The following KIAA0825 variants were observed in gnomAD, a reference collection of about 807,000 sequenced individuals.
KIAA0825 encodes the protein uncharacterized protein KIAA0825.
KIAA0825 carries 119 observed loss-of-function variants against 147.6 expected under a neutral mutation model. That is an observed-to-expected ratio of 0.81 (90% CI 0.69 to 0.94). The LOEUF (loss-of-function observed/expected upper bound fraction) is 0.94, where lower values mean the gene tolerates loss of function less well. Among genes scored for constraint, KIAA0825 ranks in the 40% least tolerant of loss-of-function variants. The pLI is 0.00. For missense variants in KIAA0825, 1,381 were observed against 1,472.7 expected (o/e 0.94, Z 1.02); for synonymous variants, 470 against 518.1 (o/e 0.91, Z 1.26).
intron 20 of KIAA0825, among the ~76,000 whole-genome samples, chr5:94,190,976 T>C (rs1770630731): frequency 6.6e-6 from 1 of 152,156 alleles, no homozygotes; most frequent in Non-Finnish European, 1.5e-5. Flanking sequence ...AGAGGAGATA[T>C]TATCTAATGT....
intron 5 of KIAA0825, among the ~76,000 whole-genome samples, chr5:94,512,850 C>G (rs1036730339): frequency 3.3e-5 from 5 of 151,934 alleles, no homozygotes; most frequent in Admixed American, 6.6e-5. Flanking sequence ...GAGCTGAGAT[C>G]GCATCACTGC....
At chr5:94,188,275 A>G (rs1228076668) in intron 20 of KIAA0825, among the ~76,000 whole-genome samples, 1 of 152,246 alleles carries the variant, frequency 6.6e-6, no homozygotes, top group African/African-American at 2.4e-5. Context: ...ACACTGTAAC[A>G]TATTTTATAA....
At chr5:94,603,729 A>C (rs542996795) in intron 1 of KIAA0825, among the ~76,000 whole-genome samples, 1 of 152,344 alleles carries the variant, frequency 6.6e-6, no homozygotes, top group South Asian at 2.1e-4. Context: ...GGATGGAGAG[A>C]AATTTACCAA....
chr5:94,616,478 T>C (rs1236319220), intron 1 of KIAA0825, among the ~76,000 whole-genome samples: 1 of 152,152 alleles, frequency 6.6e-6, no homozygotes, highest in Non-Finnish European at 1.5e-5. Context: ...TTATAAATCA[T>C]TACAAAGTTG....
chr5:94,527,591 T>A (rs944730038), intron 3 of KIAA0825, among the ~76,000 whole-genome samples: 21 of 151,674 alleles, frequency 1.4e-4, no homozygotes, highest in Admixed American at 5.9e-4. Flanking sequence ...ACCCAAAATT[T>A]AAAAAAAAAT....
intron 3 of KIAA0825, among the ~76,000 whole-genome samples, chr5:94,529,039 C>T (rs918932242): frequency 6.6e-6 from 1 of 151,486 alleles, no homozygotes; most frequent in African/African-American, 2.4e-5. Context: ...CAGATTAGGT[C>T]TACATCTTTA....
At chr5:94,491,361 A>G (rs1763709826) in intron 5 of KIAA0825, among the ~76,000 whole-genome samples, 1 of 152,170 alleles carries the variant, frequency 6.6e-6, no homozygotes, top group Non-Finnish European at 1.5e-5. Flanking sequence ...AGCAGGGACC[A>G]TGTAGGAACA....
intron 8 of KIAA0825, among the ~76,000 whole-genome samples, chr5:94,472,650 A>C (rs1359320117): frequency 6.6e-6 from 1 of 152,190 alleles, no homozygotes; most frequent in Non-Finnish European, 1.5e-5. Flanking sequence ...AGGGTGAGGC[A>C]GGAGAATGGC....
intron 20 of KIAA0825, among the ~76,000 whole-genome samples, chr5:94,178,782 A>G (rs1164433201): frequency 6.6e-6 from 1 of 152,066 alleles, no homozygotes; most frequent in Non-Finnish European, 1.5e-5. Flanking sequence ...TACACCTACC[A>G]TATCACCCAG....
At chr5:94,504,725 C>T (rs1465934207) in intron 5 of KIAA0825, among the ~76,000 whole-genome samples, 4 of 149,616 alleles carry the variant, frequency 2.7e-5, no homozygotes, top group Admixed American at 6.7e-5. Context: ...TTTAGAATTA[C>T]GCCCGTGTGA....
chr5:94,590,481 G>A (rs554305312), intron 1 of KIAA0825, among the ~76,000 whole-genome samples: 2 of 152,228 alleles, frequency 1.3e-5, no homozygotes, highest in Admixed American at 1.3e-4. Context: ...AAAAGCAAAA[G>A]GAAACAGTGG....
intron 19 of KIAA0825, 135 bp downstream of exon 19, chr5:94,386,107 C>A: frequency 1.5e-6 from 1 of 682,656 alleles, no homozygotes; most frequent in Non-Finnish European, 2.4e-6. Context: ...TTTGTACAGA[C>A]CATGTAAATA....
chr5:94,154,560 C>T (rs868494865), intron 20 of KIAA0825, among the ~76,000 whole-genome samples: 3 of 152,064 alleles, frequency 2.0e-5, no homozygotes, highest in Admixed American at 6.5e-5. Context: ...AGAAGAACAT[C>T]GAGGTTACTT....
At chr5:94,439,149 C>T (rs1389930502) in intron 14 of KIAA0825, among the ~76,000 whole-genome samples, 1 of 152,164 alleles carries the variant, frequency 6.6e-6, no homozygotes, top group Non-Finnish European at 1.5e-5. Context: ...GGTTAGAAAA[C>T]TATTCTGGGA....
intron 8 of KIAA0825, 114 bp downstream of exon 8, chr5:94,473,178 A>G (rs1761433185): frequency 1.3e-6 from 1 of 770,442 alleles, no homozygotes. Context: ...GTCAAGTACC[A>G]AGTACTTGCC....
intron 5 of KIAA0825, among the ~76,000 whole-genome samples, chr5:94,514,178 A>G (rs1014026698): frequency 6.6e-6 from 1 of 152,148 alleles, no homozygotes; most frequent in Admixed American, 6.5e-5. Flanking sequence ...AATCAGCTCA[A>G]CTTAGTTACT....
In KIAA0825 at chr5:94,417,289, A is replaced by G. The variant is rs1261137212; in HGVS notation, c.2574T>C (p.His858=). 4 of 1,550,928 alleles carry G rather than the reference A, an allele frequency of 2.6e-6. No homozygotes were observed. Among genetic ancestry groups the G allele is most frequent in the Admixed American group, 2.0e-5 (1 of 50,986 alleles). Residue 858 remains histidine (H), a synonymous_variant, in exon 15 of 21, where the codon CAT becomes CAC. Transcript: ENST00000682413. ...LMEAIFKILY[H]CSFSPQTFAN... The stretch of plus-strand genomic sequence containing the variant: ...CAAATGTTTGTGGAGAAAAACTGCA[A>G]TGGTACAATATTTTAAAGATGGCTT...
intron 1 of KIAA0825, among the ~76,000 whole-genome samples, chr5:94,596,353 C>T (rs1785312620): frequency 1.3e-5 from 2 of 152,166 alleles, no homozygotes; most frequent in Non-Finnish European, 2.9e-5. Flanking sequence ...TTCCCCATTG[C>T]TTGTTCTTGT....
At chr5:94,160,424 G>T (rs1052040466) in intron 20 of KIAA0825, among the ~76,000 whole-genome samples, 5 of 149,276 alleles carry the variant, frequency 3.3e-5, no homozygotes, top group African/African-American at 7.4e-5. Context: ...GTATACATAT[G>T]TATACAGTAT....
Sources: allele counts gnomAD v4.1 joint callset (sites outside exome capture counted in the v4.1 genomes callset), GRCh38; gene constraint gnomAD v4.1.1; transcripts MANE v1.5; gene names NCBI Gene and HGNC (gene_info 2026-07-23, HGNC 2026-07-21).